The following HPSE2 variants were observed in gnomAD, a reference collection of about 807,000 sequenced individuals.
HPSE2 encodes inactive heparanase-2.
In HPSE2, 38 loss-of-function variants were observed where a neutral mutation model predicts 60.5. The observed-to-expected ratio is 0.63, with a 90% CI of 0.48 to 0.82. The LOEUF (loss-of-function observed/expected upper bound fraction) is 0.82, where lower values mean the gene tolerates loss of function less well. Ranked by LOEUF, HPSE2 falls within the 40% of genes least tolerant of loss-of-function variation. The pLI is 0.00. For missense variants in HPSE2, 713 were observed against 740.4 expected (o/e 0.96, Z 0.43); for synonymous variants, 295 against 293.2 (o/e 1.01, Z -0.06).
intron 3 of HPSE2, among the ~76,000 whole-genome samples, chr10:98,968,740 T>C (rs554474295): frequency 1.3e-4 from 20 of 152,168 alleles, no homozygotes; most frequent in African/African-American, 3.1e-4. Context: ...TGAAGTAACT[T>C]AGAAATAAAA....
intron 3 of HPSE2, among the ~76,000 whole-genome samples, chr10:98,747,736 G>C (rs1949662216): frequency 6.6e-6 from 1 of 152,114 alleles, no homozygotes; most frequent in Admixed American, 6.5e-5. Context: ...GCATCTCACT[G>C]CTCTGTGACA....
intron 2 of HPSE2, among the ~76,000 whole-genome samples, chr10:99,182,979 C>G (rs1159400835): frequency 6.6e-6 from 1 of 151,892 alleles, no homozygotes; most frequent in African/African-American, 2.4e-5. Flanking sequence ...ACAAAAAAAA[C>G]TAAAAAACAA....
intron 4 of HPSE2, among the ~76,000 whole-genome samples, chr10:98,728,569 G>A (rs991714497): frequency 2.0e-5 from 3 of 152,124 alleles, no homozygotes; most frequent in African/African-American, 7.2e-5. Flanking sequence ...AGTAAGCCAA[G>A]ATCACACCAT....
chr10:99,068,281 C>T (rs904089897), intron 3 of HPSE2, among the ~76,000 whole-genome samples: 5 of 152,168 alleles, frequency 3.3e-5, no homozygotes, highest in African/African-American at 1.2e-4. Context: ...CCCCACTACT[C>T]GGTACCAATT....
intron 9 of HPSE2, among the ~76,000 whole-genome samples, chr10:98,546,803 T>C (rs1464549721): frequency 6.6e-6 from 1 of 150,476 alleles, no homozygotes; most frequent in African/African-American, 2.4e-5. Flanking sequence ...AATTGACAAA[T>C]GGGATCTAAT....
Position 98,941,592 on chromosome 10 carries a change from A to T in HPSE2, c.611-197536T>A, listed in dbSNP as rs574907150. ...ATGAAATAAAAGAGGATACAAACAA[A>T]TGGAAGAACATTCCATGCTCATGGA... On this transcript the variant is annotated intron_variant, in intron 3 of 11. Transcript: ENST00000370552. Among the ~76,000 whole-genome samples the T allele has an allele frequency of 7.8e-5, 11 of 140,996 alleles. 1 individual carries two copies. Among genetic ancestry groups the T allele is most frequent in the East Asian group, 6.0e-4 (3 of 4,962 alleles). The allele number at this position is 140,996 out of a possible 152,430, so 92.5% of individuals were successfully genotyped here.
At chr10:98,912,400 T>G (rs1954003657) in intron 3 of HPSE2, among the ~76,000 whole-genome samples, 1 of 152,088 alleles carries the variant, frequency 6.6e-6, no homozygotes, top group Non-Finnish European at 1.5e-5. Context: ...CTCAAGAAAG[T>G]AAAAATTGAA....
At chr10:98,604,677 A>C (rs1945526995) in intron 9 of HPSE2, among the ~76,000 whole-genome samples, 1 of 152,190 alleles carries the variant, frequency 6.6e-6, no homozygotes, top group African/African-American at 2.4e-5. Context: ...AAAAAGCTTT[A>C]TTTCCTGAAT....
chr10:98,460,523 A>G (rs10883103), intron 11 of HPSE2, among the ~76,000 whole-genome samples: 96,641 of 151,440 alleles, frequency 0.64, 30,989 homozygotes, highest in African/African-American at 0.66. Flanking sequence ...TGAAGTGGGA[A>G]GATCACTTGA....
At chr10:98,625,674 G>C (rs1022831094) in intron 7 of HPSE2, among the ~76,000 whole-genome samples, 1 of 152,146 alleles carries the variant, frequency 6.6e-6, no homozygotes, top group Non-Finnish European at 1.5e-5. Context: ...GTTGCTATAG[G>C]CTAAATGATA....
At chr10:99,152,143 C>A (rs1181307611) in intron 2 of HPSE2, among the ~76,000 whole-genome samples, 1 of 151,910 alleles carries the variant, frequency 6.6e-6, no homozygotes, top group African/African-American at 2.4e-5. Flanking sequence ...AACCCCGTCT[C>A]TACTAAAAAT....
At position 98,614,416 on chromosome 10, in the gene HPSE2, C is replaced by A. The variant is rs566072381; in HGVS notation, c.1320+488G>T. Among the ~76,000 whole-genome samples, 6 of 152,054 alleles carry A rather than the reference C, an allele frequency of 3.9e-5. No individual in the cohort carries two copies. In the South Asian group the frequency reaches 1.2e-3, roughly 32 times the overall value. On this transcript the variant is annotated intron_variant, in intron 9 of 11. Coordinates refer to ENST00000370552, the MANE Select transcript of HPSE2 (RefSeq NM_021828.5). Reference sequence around the variant, plus strand: ...CATGCCATTCTCCTGCTTCAGCCTCCCAAGTAGCTGGGACCACAGGTGCCC... The same window carrying A: ...CATGCCATTCTCCTGCTTCAGCCTCACAAGTAGCTGGGACCACAGGTGCCC...
intron 9 of HPSE2, among the ~76,000 whole-genome samples, chr10:98,495,042 C>T (rs1357441124): frequency 6.6e-6 from 1 of 152,084 alleles, no homozygotes; most frequent in Admixed American, 6.6e-5. Flanking sequence ...AGCAGGACTC[C>T]CTTAAGCATT....
At chr10:98,992,071 A>G (rs952776475) in intron 3 of HPSE2, among the ~76,000 whole-genome samples, 2 of 152,232 alleles carry the variant, frequency 1.3e-5, no homozygotes, top group African/African-American at 2.4e-5. Context: ...TTTCCAATCA[A>G]ATTTTAATTT....
At chr10:98,509,464 A>G (rs960390196) in intron 9 of HPSE2, among the ~76,000 whole-genome samples, 7 of 152,130 alleles carry the variant, frequency 4.6e-5, no homozygotes, top group Non-Finnish European at 7.4e-5. Context: ...GATTGACTGG[A>G]TATACAGAAT....
intron 6 of HPSE2, among the ~76,000 whole-genome samples, chr10:98,682,740 T>C (rs761801840): frequency 3.9e-5 from 6 of 152,184 alleles, no homozygotes; most frequent in Non-Finnish European, 8.8e-5. Flanking sequence ...TGGGACCCAT[T>C]TATATAGTCT....
At chr10:99,161,794 A>G (rs1304513227) in intron 2 of HPSE2, among the ~76,000 whole-genome samples, 1 of 152,228 alleles carries the variant, frequency 6.6e-6, no homozygotes, top group Non-Finnish European at 1.5e-5. Flanking sequence ...GTGTCTATCA[A>G]TAGACAAAGG....
chr10:98,979,443 G>C (rs1956159603), intron 3 of HPSE2, among the ~76,000 whole-genome samples: 1 of 152,154 alleles, frequency 6.6e-6, no homozygotes, highest in African/African-American at 2.4e-5. Context: ...GCATTGTTGT[G>C]AGGCTGAAAA....
At chr10:98,729,300 A>T (rs1156493331) in intron 4 of HPSE2, among the ~76,000 whole-genome samples, 7 of 151,952 alleles carry the variant, frequency 4.6e-5, no homozygotes, top group Non-Finnish European at 8.8e-5. Context: ...TGAAGGTAAA[A>T]TTTTTTTTTA....
Sources: gnomAD v4.1 joint callset for allele counts (sites outside exome capture counted in the v4.1 genomes callset) on GRCh38, gnomAD v4.1.1 for gene constraint, MANE v1.5 for transcripts, NCBI Gene and HGNC (gene_info 2026-07-23, HGNC 2026-07-21) for gene names.